The following TDRD1 variants were observed in gnomAD, a reference collection of about 807,000 sequenced individuals.
The protein encoded by TDRD1 is tudor domain containing 1, also known as tudor domain-containing protein 1.
A neutral mutation model predicts 140.6 loss-of-function variants in TDRD1; 37 were observed. The observed-to-expected ratio is 0.26, with a 90% CI of 0.20 to 0.35. TDRD1 has a LOEUF of 0.35. Among genes scored for constraint, TDRD1 ranks in the 10% least tolerant of loss-of-function variants. The probability of loss-of-function intolerance (pLI) is 1.00; values close to 1 mark genes in which losing one functional copy is unlikely to be tolerated. For synonymous variants in TDRD1, 506 were observed against 475.7 expected, an observed-to-expected ratio of 1.06 and a Z score of -0.83; for missense variants, 1,243 against 1,393.0, an observed-to-expected ratio of 0.89 and a Z score of 1.71.
At chr10:114,203,141 A>G (rs758999272) in exon 7 of TDRD1, 9 of 1,613,666 alleles carry the variant, frequency 5.6e-6, no homozygotes, top group Non-Finnish European at 7.6e-6. Context: ...TTCTGATTTG[A>G]GAAGTCTACA....
intron 16 of TDRD1, among the ~76,000 whole-genome samples, 174 bp downstream of exon 16, chr10:114,214,288 C>A (rs1311275994): frequency 4.6e-5 from 7 of 152,130 alleles, no homozygotes; most frequent in Admixed American, 4.6e-4. Flanking sequence ...CTCTTTTAAG[C>A]CATTATTTCT....
In TDRD1 at chr10:114,210,828, G is replaced by A. The variant is rs369814956; in HGVS notation, c.1553-32G>A. 2.7e-5 allele frequency: 44 copies of A among 1,612,138 alleles called. No homozygotes were observed. The African/African-American group carries it at 3.9e-4, about 14-fold the overall frequency. ...ACATGTAGAAATAATGTATAGATAC[G>A]TATTTCTTTAAGATGTGATCTTTAT... On this transcript the variant is annotated intron_variant, in intron 12 of 25. Coordinates refer to ENST00000251864, the Ensembl canonical transcript of TDRD1.
intron 1 of TDRD1, among the ~76,000 whole-genome samples, chr10:114,182,242 C>A (rs2119957898): frequency 6.6e-6 from 1 of 152,230 alleles, no homozygotes; most frequent in East Asian, 1.9e-4. Flanking sequence ...GAAGGGGAAC[C>A]ATTTTACAAA....
At chr10:114,185,484 C>T (rs1235771318) in intron 1 of TDRD1, among the ~76,000 whole-genome samples, 1 of 151,764 alleles carries the variant, frequency 6.6e-6, no homozygotes, top group Non-Finnish European at 1.5e-5. Context: ...GCCACTGTGC[C>T]CAGCCTATGT....
intron 22 of TDRD1, among the ~76,000 whole-genome samples, chr10:114,226,442 A>T (rs2036441894): frequency 6.6e-6 from 1 of 152,210 alleles, no homozygotes; most frequent in Non-Finnish European, 1.5e-5. Flanking sequence ...TCAGAGGGCC[A>T]GGGTTCAGAG....
At chr10:114,226,421 G>A (rs1220597555) in intron 22 of TDRD1, among the ~76,000 whole-genome samples, 1 of 152,036 alleles carries the variant, frequency 6.6e-6, no homozygotes, top group Non-Finnish European at 1.5e-5. Context: ...TCTTTGTTTT[G>A]TAGATTAGTT....
intron 3 of TDRD1, among the ~76,000 whole-genome samples, chr10:114,196,963 C>T (rs1201452924): frequency 6.8e-6 from 1 of 147,882 alleles, no homozygotes; most frequent in East Asian, 2.0e-4. Context: ...TCTCCTGTCT[C>T]AGCCTCCCAA....
At chr10:114,206,911 C>T (rs565522037) in intron 11 of TDRD1, among the ~76,000 whole-genome samples, 2 of 152,094 alleles carry the variant, frequency 1.3e-5, no homozygotes, top group Non-Finnish European at 2.9e-5. Flanking sequence ...CCACTACGCC[C>T]TGCCAAGTTA....
chr10:114,227,578 A>G (rs1050790646), intron 23 of TDRD1, among the ~76,000 whole-genome samples: 2 of 152,166 alleles, frequency 1.3e-5, no homozygotes, highest in Admixed American at 1.3e-4. Flanking sequence ...CGTGCTTCTT[A>G]TTTCCAATTT....
chr10:114,201,578 T>G, intron 5 of TDRD1, 63 bp downstream of exon 5: 3 of 1,385,158 alleles, frequency 2.2e-6, no homozygotes. Context: ...ACAATAAGCG[T>G]CCAATTAGTT....
At chr10:114,218,658 A>G (rs1490517947) in intron 18 of TDRD1, 74 bp downstream of exon 18, 8 of 1,070,966 alleles carry the variant, frequency 7.5e-6, no homozygotes, top group East Asian at 5.3e-5. Context: ...AATATCTACA[A>G]TGTTAACATT....
At chr10:114,178,190 T>C (rs2032761944), upstream of TDRD1, among the ~76,000 whole-genome samples, 6 of 152,146 alleles carry the variant, frequency 3.9e-5, no homozygotes, top group South Asian at 1.2e-3. Context: ...CTCTAAAAAA[T>C]AAATTTAAAA....
At chr10:114,221,283 TA>T in intron 19 of TDRD1, 73 bp from the exon 20 acceptor site, 2 of 1,354,492 alleles carry the variant, frequency 1.5e-6, no homozygotes, top group Non-Finnish European at 1.0e-6. Context: ...ATGATTGAAT[TA>T]AATATGTTAC....
intron 20 of TDRD1, among the ~76,000 whole-genome samples, chr10:114,221,873 G>A (rs577882543): frequency 6.6e-6 from 1 of 152,210 alleles, no homozygotes; most frequent in Non-Finnish European, 1.5e-5. Context: ...ACACTAGAAC[G>A]AATCTTGAAG....
intron 11 of TDRD1, among the ~76,000 whole-genome samples, chr10:114,206,943 CT>C (rs1186574025): frequency 1.4e-5 from 2 of 142,762 alleles, no homozygotes; most frequent in Non-Finnish European, 1.6e-5. Flanking sequence ...CTCACATTTT[CT>C]TAGTTTGTTT....
rs11196661 is a variant in TDRD1, at chr10:114,228,172, A to G, written c.3538+47A>G. On this transcript the variant is annotated intron_variant, in intron 25 of 25. Transcript: ENST00000251864. ...GTTTTCGCCTCTTCTGTGATCACCA[A>G]TAGGACATCTTCAGGCATATTGGCA... 54 of 1,521,984 alleles carry G rather than the reference A, an allele frequency of 3.5e-5. No homozygotes were observed. The East Asian group carries it at 9.0e-4, about 25-fold the overall frequency. 94.3% of individuals were successfully genotyped at this position (1,521,984 alleles called of 1,614,324 possible). A position where few individuals can be genotyped will look rare whatever the true frequency, so the allele number is the denominator to read the frequency against.
intron 21 of TDRD1, among the ~76,000 whole-genome samples, chr10:114,224,439 T>C (rs538323697): frequency 1.1e-4 from 16 of 152,346 alleles, no homozygotes; most frequent in Middle Eastern, 6.8e-3. Flanking sequence ...GTGGGCCCCT[T>C]ACATCTAGAA....
At chr10:114,227,242 G>GTGACAT in exon 23 of TDRD1, 4 of 1,614,146 alleles carry the variant, frequency 2.5e-6, no homozygotes, top group Non-Finnish European at 3.4e-6. Context: ...TGATAAGCTA[G>GTGACAT]TGACATTTGG....
At chr10:114,214,904 A>AT (rs1004740630) in intron 16 of TDRD1, among the ~76,000 whole-genome samples, 54 of 148,818 alleles carry the variant, frequency 3.6e-4, no homozygotes, top group East Asian at 3.0e-3. Context: ...CGCCCAGTTA[A>AT]TTTTTTTTTT....
Sources: gnomAD v4.1 joint callset for allele counts (sites outside exome capture counted in the v4.1 genomes callset) on GRCh38, gnomAD v4.1.1 for gene constraint, MANE v1.5 for transcripts, NCBI Gene and HGNC (gene_info 2026-07-23, HGNC 2026-07-21) for gene names.